The following MYO3B variants were observed in gnomAD, a reference collection of about 807,000 sequenced individuals.
The protein encoded by MYO3B is myosin-IIIb.
MYO3B carries 156 observed loss-of-function variants against 174.6 expected under a neutral mutation model. The ratio of observed to expected loss-of-function variants is 0.89; its 90% confidence interval spans 0.78 to 1.02. The LOEUF is 1.02. Ranked by LOEUF, MYO3B falls within the 50% of genes least tolerant of loss-of-function variation. The probability of loss-of-function intolerance (pLI) is 0.00; values close to 1 mark genes in which losing one functional copy is unlikely to be tolerated. For missense variants in MYO3B, 1,632 were observed against 1,639.4 expected, an observed-to-expected ratio of 1.00 and a Z score of 0.08; for synonymous variants, 563 against 569.1, an observed-to-expected ratio of 0.99 and a Z score of 0.15.
In MYO3B at chr2:170,422,977, C is replaced by CTTTTTTTTTTTTTTTTTTTTTT. The variant is rs34882424; in HGVS notation, c.2650+15154_2650+15155insTTTTTTTTTTTTTTTTTTTTTT. On this transcript the variant is annotated intron_variant, in intron 22 of 34. Transcript: ENST00000408978. Reference sequence around the variant, plus strand: ...TTAGACCAACCATATTTCTTTCTTTCTTTTTTTTTTTTTTTTTTTTTGAGA... The same window carrying CTTTTTTTTTTTTTTTTTTTTTT: ...TTAGACCAACCATATTTCTTTCTTTCTTTTTTTTTTTTTTTTTTTTTTTTTTTTTTTTTTTTTTTTTTTGAGA... 2.5e-4 allele frequency among the ~76,000 whole-genome samples: 22 copies of CTTTTTTTTTTTTTTTTTTTTTT among 88,504 alleles called. 1 individual carries two copies. The highest frequency in any genetic ancestry group is 3.5e-4 in the Admixed American group (2 of 5,690). The allele number at this position is 88,504 out of a possible 152,430, so 58.1% of individuals were successfully genotyped here.
At chr2:170,556,784 A>G (rs1691332508) in intron 32 of MYO3B, among the ~76,000 whole-genome samples, 1 of 152,190 alleles carries the variant, frequency 6.6e-6, no homozygotes, top group South Asian at 2.1e-4. Context: ...GGCCTCCCAA[A>G]GTGCTGGGAT....
chr2:170,330,715 TTA>T (rs1183594376), intron 7 of MYO3B, among the ~76,000 whole-genome samples: 6 of 152,202 alleles, frequency 3.9e-5, no homozygotes, highest in African/African-American at 1.4e-4. Context: ...CTCATTTTGG[TTA>T]TATATATTCA....
intron 9 of MYO3B, among the ~76,000 whole-genome samples, chr2:170,379,750 G>A (rs1487617866): frequency 6.6e-6 from 1 of 152,076 alleles, no homozygotes; most frequent in African/African-American, 2.4e-5. Flanking sequence ...AATTTGATTT[G>A]ATTAAATAAA....
At chr2:170,635,521 A>G (rs1014994085) in intron 32 of MYO3B, among the ~76,000 whole-genome samples, 7 of 152,136 alleles carry the variant, frequency 4.6e-5, no homozygotes, top group African/African-American at 1.7e-4. Context: ...GTAAATGACA[A>G]GTTAATGGGT....
intron 8 of MYO3B, among the ~76,000 whole-genome samples, chr2:170,336,731 A>G (rs979839413): frequency 4.6e-5 from 7 of 152,270 alleles, no homozygotes; most frequent in African/African-American, 1.7e-4. Context: ...GTACCAGTTT[A>G]CCTTTGTAAA....
intron 32 of MYO3B, among the ~76,000 whole-genome samples, chr2:170,552,171 A>G (rs1048552744): frequency 1.3e-5 from 2 of 152,222 alleles, no homozygotes; most frequent in African/African-American, 4.8e-5. Context: ...GTATTACCAT[A>G]AAGATAACTG....
At chr2:170,545,936 G>A (rs1399450341) in intron 32 of MYO3B, among the ~76,000 whole-genome samples, 1 of 152,112 alleles carries the variant, frequency 6.6e-6, no homozygotes, top group Non-Finnish European at 1.5e-5. Flanking sequence ...TGTCTCCCTA[G>A]TATCCCAGCA....
intron 23 of MYO3B, among the ~76,000 whole-genome samples, chr2:170,457,051 A>T (rs978887898): frequency 6.6e-6 from 1 of 152,236 alleles, no homozygotes; most frequent in Non-Finnish European, 1.5e-5. Flanking sequence ...CATAGAAAAG[A>T]TACAGTAAAA....
At chr2:170,378,867 G>GA (rs1019270661) in intron 9 of MYO3B, among the ~76,000 whole-genome samples, 6 of 151,812 alleles carry the variant, frequency 4.0e-5, no homozygotes, top group East Asian at 1.9e-4. Context: ...GTTACTGAAG[G>GA]AAAAAAAAGC....
At chr2:170,531,321 T>C (rs897929364) in intron 30 of MYO3B, among the ~76,000 whole-genome samples, 29 of 152,190 alleles carry the variant, frequency 1.9e-4, no homozygotes, top group African/African-American at 6.8e-4. Flanking sequence ...TTTAAAGCCT[T>C]ATTCTTTCCT....
intron 1 of MYO3B, chr2:170,180,299 G>GA: frequency 3.5e-6 from 1 of 286,308 alleles, no homozygotes; most frequent in South Asian, 2.8e-5. Flanking sequence ...ATCAGCTCAT[G>GA]AAAAGAGGGG....
intron 32 of MYO3B, among the ~76,000 whole-genome samples, chr2:170,555,093 G>A (rs1476386689): frequency 6.6e-6 from 1 of 151,400 alleles, no homozygotes; most frequent in Non-Finnish European, 1.5e-5. Flanking sequence ...AAATTTGTTT[G>A]CGTTTTAAAA....
intron 7 of MYO3B, among the ~76,000 whole-genome samples, chr2:170,278,016 G>A (rs569542159): frequency 4.2e-4 from 64 of 152,144 alleles, no homozygotes; most frequent in Non-Finnish European, 7.2e-4. Context: ...CCTGTTTATT[G>A]CTGTAATATT....
intron 32 of MYO3B, among the ~76,000 whole-genome samples, chr2:170,635,086 A>G (rs571533914): frequency 6.6e-6 from 1 of 152,320 alleles, no homozygotes; most frequent in South Asian, 2.1e-4. Context: ...TAGAAATACC[A>G]TTTGACCCAG....
intron 7 of MYO3B, among the ~76,000 whole-genome samples, chr2:170,310,468 G>T (rs905419210): frequency 6.6e-6 from 1 of 152,030 alleles, no homozygotes. Context: ...TTTGAGACCA[G>T]CCTGGCCATC....
At chr2:170,279,121 A>T (rs1032208571) in intron 7 of MYO3B, among the ~76,000 whole-genome samples, 1 of 151,968 alleles carries the variant, frequency 6.6e-6, no homozygotes. Flanking sequence ...TTATATATTG[A>T]TTCCCTTTCC....
At chr2:170,362,129 C>T (rs867780693) in intron 8 of MYO3B, among the ~76,000 whole-genome samples, 7 of 152,164 alleles carry the variant, frequency 4.6e-5, no homozygotes, top group Non-Finnish European at 1.0e-4. Flanking sequence ...CTGGTGCACA[C>T]GTCTTAACTC....
chr2:170,297,440 T>C (rs916230621), intron 7 of MYO3B, among the ~76,000 whole-genome samples: 1 of 152,254 alleles, frequency 6.6e-6, no homozygotes, highest in South Asian at 2.1e-4. Flanking sequence ...GAGTGCAAAA[T>C]TCAGAGATTG....
At chr2:170,465,969 G>A (rs927921419) in intron 24 of MYO3B, among the ~76,000 whole-genome samples, 12 of 152,236 alleles carry the variant, frequency 7.9e-5, no homozygotes, top group African/African-American at 2.9e-4. Flanking sequence ...TGTACCAGCT[G>A]CTTGGTGTAT....
Sources: allele counts gnomAD v4.1 joint callset (sites outside exome capture counted in the v4.1 genomes callset), GRCh38; gene constraint gnomAD v4.1.1; transcripts MANE v1.5; gene names NCBI Gene and HGNC (gene_info 2026-07-23, HGNC 2026-07-21).